The following LRP2BP variants were observed in gnomAD, a reference collection of about 807,000 sequenced individuals.
The protein encoded by LRP2BP is LRP2-binding protein.
LRP2BP carries 38 observed loss-of-function variants against 45.2 expected under a neutral mutation model. That is an observed-to-expected ratio of 0.84 (90% CI 0.65 to 1.10). The LOEUF is 1.10. Among genes scored for constraint, LRP2BP ranks in the 50% least tolerant of loss-of-function variants. The pLI is 0.00. For missense variants in LRP2BP, 385 were observed against 418.9 expected (o/e 0.92, Z 0.71); for synonymous variants, 153 against 153.9 (o/e 0.99, Z 0.04).
intron 8 of LRP2BP, among the ~76,000 whole-genome samples, chr4:185,368,851 C>T (rs113751794): frequency 0.015 from 2,196 of 147,708 alleles, 53 homozygotes; most frequent in African/African-American, 0.053. Flanking sequence ...TGGAGTGCAG[C>T]GGCACAGCCT....
At position 185,374,394 on chromosome 4, in the gene LRP2BP, A is replaced by C. The variant is rs1315296820; in HGVS notation, c.398T>G (p.Phe133Cys). The C allele has an allele frequency of 6.2e-7, 1 of 1,613,992 alleles. No homozygotes were observed. The highest frequency in any genetic ancestry group is 8.5e-7 in the Non-Finnish European group (1 of 1,180,022). Residue 133 changes from phenylalanine to cysteine, a missense_variant, in exon 5 of 9, where the codon TTT becomes TGT. Coordinates refer to ENST00000505916, the MANE Select transcript of LRP2BP (RefSeq NM_001377440.1). ...TCTTCCGAGGTTGTAAGCAGCTGCA[A>C]ATTTTAAGTGTCTTGCTTTGGGACA... is the stretch of plus-strand genomic sequence containing the variant. ...SPCPKARHLK[F>C]AAAYNLGRAY...
rs1158295698 is a variant in LRP2BP, at chr4:185,365,491, G to A, written c.*1689C>T. The A allele has an allele frequency of 6.6e-6, 1 of 151,978 alleles. No individual in the cohort carries two copies. Among genetic ancestry groups the A allele is most frequent in the African/African-American group, 2.4e-5 (1 of 41,338 alleles). 9.4% of individuals were successfully genotyped at this position (151,978 alleles called of 1,614,324 possible). A position where few individuals can be genotyped will look rare whatever the true frequency, so the allele number is the denominator to read the frequency against. ...CTGTCTCAGCCTCCCGAGTAGCTGGGACTACAGGCGTCCGCCATCACGCCC... is the reference window on the plus strand; with the variant it reads ...CTGTCTCAGCCTCCCGAGTAGCTGGAACTACAGGCGTCCGCCATCACGCCC... On this transcript the variant is annotated 3_prime_UTR_variant, in exon 9 of 9. Coordinates refer to ENST00000505916, the MANE Select transcript of LRP2BP (RefSeq NM_001377440.1).
rs2095390525 is a variant in LRP2BP, at chr4:185,367,110, A to G, written c.*70T>C. 1 of 1,300,508 alleles carries G rather than the reference A, an allele frequency of 7.7e-7. No individual in the cohort carries two copies. The highest frequency in any genetic ancestry group is 1.1e-6 in the Non-Finnish European group (1 of 906,596). 80.6% of individuals were successfully genotyped at this position (1,300,508 alleles called of 1,614,324 possible). ...TTTGTGATGTGCAAAATAACCAAAC[A>G]TAGCTACTGTAAAAATACACACATT... On this transcript the variant is annotated 3_prime_UTR_variant, in exon 9 of 9. Transcript: ENST00000505916.
intron 7 of LRP2BP, 122 bp downstream of exon 7, chr4:185,372,734 C>T (rs991029433): frequency 2.7e-6 from 2 of 736,640 alleles, no homozygotes; most frequent in Non-Finnish European, 4.4e-6. Context: ...ATGGTCCTCC[C>T]CTCTGGAGGT....
chr4:185,369,397 G>T (rs1288239979), intron 8 of LRP2BP, among the ~76,000 whole-genome samples: 1 of 151,138 alleles, frequency 6.6e-6, no homozygotes, highest in Non-Finnish European at 1.5e-5. Context: ...TTATTTTTCA[G>T]TAGAGACAGG....
rs146735040 is a variant in LRP2BP at position 185,373,013 on chromosome 4, T to C, written c.646A>G (p.Met216Val). ...NLESQGALGL[M>V]YLYGQGIRQD... is the part of the protein sequence containing the mutation. ...CGGATGCCTTGTCCATACAAGTACA[T>C]GAGCCCAAGTGCACCCTGGGACTCC... The change falls in exon 7 of 9, where the codon ATG becomes GTG. Residue 216 changes from methionine to valine, a missense_variant. Coordinates refer to ENST00000505916, the MANE Select transcript of LRP2BP (RefSeq NM_001377440.1). 20 of 1,613,618 alleles carry C rather than the reference T, an allele frequency of 1.2e-5. No individual in the cohort carries two copies. Among genetic ancestry groups the C allele is most frequent in the Middle Eastern group, 1.6e-4 (1 of 6,082 alleles).
intron 1 of LRP2BP, among the ~76,000 whole-genome samples, chr4:185,393,131 A>C (rs772891735): frequency 1.3e-5 from 2 of 149,778 alleles, no homozygotes; most frequent in Admixed American, 1.4e-4. Context: ...CGGTTCCGCC[A>C]TGTTGGCCAG....
At chr4:185,369,075 T>C (rs2095404650) in intron 8 of LRP2BP, among the ~76,000 whole-genome samples, 1 of 152,128 alleles carries the variant, frequency 6.6e-6, no homozygotes, top group Non-Finnish European at 1.5e-5. Context: ...ATTACAGGCA[T>C]GAGCCACGGT....
intron 6 of LRP2BP, 25 bp from the exon 7 acceptor site, chr4:185,373,104 T>G: frequency 6.3e-7 from 1 of 1,576,208 alleles, no homozygotes. Context: ...GTTTCATCAT[T>G]GTATTTGTGA....
chr4:185,383,506 T>C (rs141934877), intron 1 of LRP2BP, among the ~76,000 whole-genome samples: 7 of 152,286 alleles, frequency 4.6e-5, no homozygotes, highest in Admixed American at 4.6e-4. Flanking sequence ...CTGCAAAATG[T>C]GTCTTAAGTA....
intron 7 of LRP2BP, 133 bp from the exon 8 acceptor site, chr4:185,370,947 G>T: frequency 1.0e-6 from 1 of 959,292 alleles, no homozygotes; most frequent in Non-Finnish European, 1.6e-6. Flanking sequence ...GTTGTTTGCT[G>T]TGTGGGGAAG....
chr4:185,373,494 C>T (rs567958833), intron 6 of LRP2BP, among the ~76,000 whole-genome samples: 26 of 152,252 alleles, frequency 1.7e-4, no homozygotes, highest in African/African-American at 4.8e-4. Flanking sequence ...GCAGCTGCTG[C>T]GATCAAAGAC....
chr4:185,369,669 A>T (rs567833601), intron 8 of LRP2BP: 9 of 398,908 alleles, frequency 2.3e-5, no homozygotes, highest in African/African-American at 1.9e-4. Context: ...TTTATGTTTT[A>T]ATATGGCTTT....
At position 185,375,718 on chromosome 4, in the gene LRP2BP, A is replaced by T. The variant is rs374170804; in HGVS notation, c.225T>A (p.Tyr75Ter). Residue 75 changes from tyrosine to a stop codon, truncating the protein, a stop_gained, in exon 4 of 9, where the codon TAT (tyrosine) becomes TAA (stop). Coordinates refer to ENST00000505916, the MANE Select transcript of LRP2BP (RefSeq NM_001377440.1). LOFTEE classifies it high-confidence loss of function. The stretch of plus-strand genomic sequence containing the variant: ...CTTCAAACTGTTCTAATGCTTCTTC[A>T]TACCATCCCTAGAAGCACCCAGAAG... ...RGQLYFEEGWYEEALEQFEEI... is the reference protein window; with the variant it reads ...RGQLYFEEGW 6.3e-7 allele frequency: 1 copy of T among 1,598,878 alleles called. No individual in the cohort carries two copies.
At chr4:185,378,878 G>A in intron 1 of LRP2BP, 1 of 985,358 alleles carries the variant, frequency 1.0e-6, no homozygotes, top group South Asian at 4.7e-5. Context: ...CACTGTTATG[G>A]CTTACTTTCA....
chr4:185,372,814 G>A (rs759287842), intron 7 of LRP2BP, 42 bp downstream of exon 7: 6 of 1,473,072 alleles, frequency 4.1e-6, no homozygotes, highest in South Asian at 2.5e-5. Context: ...CCTAGTGTGT[G>A]ATATTCTGTT....
intron 8 of LRP2BP, among the ~76,000 whole-genome samples, chr4:185,369,372 CATGCCTGGCTAATTT>C (rs139128176): frequency 0.23 from 34,161 of 151,422 alleles, 4,090 homozygotes; most frequent in African/African-American, 0.3. Flanking sequence ...CACACATTGC[CATGCCTGGCTAATTT>C]TATTTTTCAG....
chr4:185,369,884 A>T, intron 8 of LRP2BP: 1 of 362,916 alleles, frequency 2.8e-6, no homozygotes, highest in Non-Finnish European at 5.4e-6. Flanking sequence ...CCACTGCTGT[A>T]ATATCAGAGT....
At chr4:185,380,784 A>G (rs2095453695) in intron 1 of LRP2BP, among the ~76,000 whole-genome samples, 1 of 152,048 alleles carries the variant, frequency 6.6e-6, no homozygotes, top group Admixed American at 6.6e-5. Flanking sequence ...CAGCATTTTG[A>G]TAAGACCTTC....
Sources: allele counts gnomAD v4.1 joint callset (sites outside exome capture counted in the v4.1 genomes callset), GRCh38; gene constraint gnomAD v4.1.1; transcripts MANE v1.5; gene names NCBI Gene and HGNC (gene_info 2026-07-23, HGNC 2026-07-21).